Variants in CNTNAP2 observed in about 807,000 individuals in gnomAD.
The protein encoded by CNTNAP2 is contactin associated protein 2, also known as contactin-associated protein-like 2.
A neutral mutation model predicts 155.2 loss-of-function variants in CNTNAP2; 98 were observed. The ratio of observed to expected loss-of-function variants is 0.63; its 90% CI spans 0.54 to 0.75. The LOEUF (loss-of-function observed/expected upper bound fraction) is 0.75. Ranked by LOEUF, CNTNAP2 falls within the 30% of genes least tolerant of loss-of-function variation. CNTNAP2 has a pLI of 0.00. For missense variants in CNTNAP2, 1,727 were observed against 1,688.1 expected (o/e 1.02, Z -0.40); for synonymous variants, 651 against 631.2 (o/e 1.03, Z -0.47).
chr7:148,036,754 A>C (rs1283123360), intron 15 of CNTNAP2, among the ~76,000 whole-genome samples: 2 of 152,152 alleles, frequency 1.3e-5, no homozygotes, highest in East Asian at 3.9e-4. Context: ...TCAAGTCTAG[A>C]ATTCTGATTC....
intron 3 of CNTNAP2, among the ~76,000 whole-genome samples, chr7:146,983,783 T>G (rs1344702825): frequency 3.3e-5 from 5 of 152,202 alleles, no homozygotes; most frequent in Non-Finnish European, 7.3e-5. Context: ...CAAATTTGTT[T>G]GTCACCATCA....
At chr7:146,379,341 TG>T (rs1563061419) in intron 1 of CNTNAP2, among the ~76,000 whole-genome samples, 1 of 152,178 alleles carries the variant, frequency 6.6e-6, no homozygotes. Context: ...GGGAGGAAAT[TG>T]GGGTACAGAC....
intron 21 of CNTNAP2, among the ~76,000 whole-genome samples, chr7:148,316,303 C>T (rs139922193): frequency 0.028 from 4,311 of 151,566 alleles, 95 homozygotes; most frequent in Non-Finnish European, 0.045. Context: ...CAAACCTGCA[C>T]GTTGTGCACA....
In CNTNAP2 at chr7:147,293,602, AC is replaced by A. The variant is rs1805358362; in HGVS notation, c.1349-6538del. Among the ~76,000 whole-genome samples, 3 of 152,218 alleles carry A rather than the reference AC, an allele frequency of 2.0e-5. No individual in the cohort carries two copies. In the South Asian group the frequency reaches 6.2e-4, roughly 32 times the overall value. On this transcript the variant is annotated intron_variant, in intron 8 of 23. Transcript: ENST00000361727. ...TGAAAACTCCAGTCACTGTAATTTT[AC>A]TTGAAGCATTTTCTAACAGATGTTA...
At chr7:148,294,039 CAAAAAAAAAAAAAAAAA>C (rs10607772) in intron 21 of CNTNAP2, among the ~76,000 whole-genome samples, 2 of 70,026 alleles carry the variant, frequency 2.9e-5, no homozygotes, top group Admixed American at 2.1e-4. Context: ...GGCTCCATCT[CAAAAAAAAAAAAAAAAA>C]AAAAAAAAAA....
chr7:147,299,776 A>T (rs75201780), intron 8 of CNTNAP2, among the ~76,000 whole-genome samples: 1,655 of 152,338 alleles, frequency 0.011, 34 homozygotes, highest in African/African-American at 0.037. Context: ...TTAAAATAGC[A>T]CATAATCATA....
chr7:146,164,793 G>C (rs181683331), intron 1 of CNTNAP2, among the ~76,000 whole-genome samples: 1 of 149,176 alleles, frequency 6.7e-6, no homozygotes, highest in African/African-American at 2.4e-5. Flanking sequence ...CGCATCTTCC[G>C]TTTCTCTATG....
chr7:148,216,842 G>T (rs764957813), intron 18 of CNTNAP2, among the ~76,000 whole-genome samples: 2 of 152,138 alleles, frequency 1.3e-5, no homozygotes, highest in Non-Finnish European at 2.9e-5. Context: ...GGTCTTTCTT[G>T]TGCTGTTCTT....
chr7:146,905,791 G>A (rs771834240), intron 3 of CNTNAP2, among the ~76,000 whole-genome samples: 21 of 152,226 alleles, frequency 1.4e-4, no homozygotes, highest in Non-Finnish European at 2.5e-4. Flanking sequence ...TTACGAAGGA[G>A]GAGCCAAGAT....
At chr7:147,676,241 G>T (rs1563049395) in intron 13 of CNTNAP2, among the ~76,000 whole-genome samples, 1 of 151,934 alleles carries the variant, frequency 6.6e-6, no homozygotes. Context: ...ATTATTGTAA[G>T]AATTAAATGG....
chr7:146,611,265 T>C (rs1396283414), intron 1 of CNTNAP2, among the ~76,000 whole-genome samples: 1 of 151,752 alleles, frequency 6.6e-6, no homozygotes, highest in Non-Finnish European at 1.5e-5. Flanking sequence ...TTTTGCTTTA[T>C]TTTTTTGTCG....
intron 3 of CNTNAP2, among the ~76,000 whole-genome samples, chr7:146,929,662 A>C (rs1291838382): frequency 6.6e-6 from 1 of 152,132 alleles, no homozygotes; most frequent in Non-Finnish European, 1.5e-5. Context: ...GGAAATTCCA[A>C]CCAAAGGCAA....
chr7:146,685,622 T>C (rs1187271940), intron 1 of CNTNAP2, among the ~76,000 whole-genome samples: 1 of 152,168 alleles, frequency 6.6e-6, no homozygotes, highest in African/African-American at 2.4e-5. Flanking sequence ...GAATAAAGTT[T>C]ATTTGAATGA....
rs551546349 is a variant in CNTNAP2, at chr7:146,274,176, G to A, written c.97+157203G>A. Among the ~76,000 whole-genome samples the A allele has an allele frequency of 2.5e-4, 38 of 152,230 alleles. No individual in the cohort carries two copies. The South Asian group carries it at 6.2e-3, about 25-fold the overall frequency. Reference sequence around the variant, plus strand: ...TTCTCCAGTGCTTGTGACACATAGCGCCTGAAGGGGCAAAATCAAGTTATT... The same window carrying A: ...TTCTCCAGTGCTTGTGACACATAGCACCTGAAGGGGCAAAATCAAGTTATT... On this transcript the variant is annotated intron_variant, in intron 1 of 23. Transcript: ENST00000361727.
chr7:147,932,157 C>T (rs1800518044), intron 14 of CNTNAP2, among the ~76,000 whole-genome samples: 1 of 152,062 alleles, frequency 6.6e-6, no homozygotes, highest in African/African-American at 2.4e-5. Flanking sequence ...AACTGCGAAA[C>T]TTACAGGCAT....
chr7:146,417,763 A>G (rs1795958081), intron 1 of CNTNAP2, among the ~76,000 whole-genome samples: 1 of 152,230 alleles, frequency 6.6e-6, no homozygotes, highest in African/African-American at 2.4e-5. Context: ...GATTTAGTAT[A>G]TAAAATTATA....
chr7:146,956,011 T>G (rs2129229153), intron 3 of CNTNAP2, among the ~76,000 whole-genome samples: 1 of 152,172 alleles, frequency 6.6e-6, no homozygotes, highest in African/African-American at 2.4e-5. Flanking sequence ...TCATTAATAG[T>G]GTTCCCCCTC....
At chr7:147,748,642 A>T (rs2116499172) in intron 13 of CNTNAP2, among the ~76,000 whole-genome samples, 1 of 152,278 alleles carries the variant, frequency 6.6e-6, no homozygotes, top group East Asian at 1.9e-4. Context: ...TCTTTATGCT[A>T]CATTCTTGTG....
In CNTNAP2 at chr7:146,173,583, T is replaced by C. The variant is rs147338377; in HGVS notation, c.97+56610T>C. ...ATATGCCATATGTTTCCTGACCTAT[T>C]TGACAAATTTAATTGCCCCTTAAAG... is the stretch of plus-strand genomic sequence containing the variant. On this transcript the variant is annotated intron_variant, in intron 1 of 23. Coordinates refer to ENST00000361727, the MANE Select transcript of CNTNAP2 (RefSeq NM_014141.6). Among the ~76,000 whole-genome samples the C allele has an allele frequency of 1.2e-4, 18 of 152,304 alleles. 1 individual carries two copies. The highest frequency in any genetic ancestry group is 9.8e-4 in the Admixed American group (15 of 15,296).
Sources: gnomAD v4.1 joint callset for allele counts (sites outside exome capture counted in the v4.1 genomes callset) on GRCh38, gnomAD v4.1.1 for gene constraint, MANE v1.5 for transcripts, NCBI Gene and HGNC (gene_info 2026-07-23, HGNC 2026-07-21) for gene names.